DIAPH3: variants seen among roughly 807,000 people sequenced by gnomAD.
The protein encoded by DIAPH3 is diaphanous related formin 3.
In DIAPH3, 117 loss-of-function variants were observed where a neutral mutation model predicts 144.3. That is an observed-to-expected ratio of 0.81 (90% CI 0.70 to 0.95). The LOEUF is 0.95. Ranked by LOEUF, DIAPH3 falls within the 40% of genes least tolerant of loss-of-function variation. The pLI is 0.00. For missense variants in DIAPH3, 1,421 were observed against 1,412.7 expected (o/e 1.01, Z -0.09); for synonymous variants, 519 against 488.9 (o/e 1.06, Z -0.81).
chr13:59,879,556 TG>T (rs768809875), intron 20 of DIAPH3, 88 bp from the exon 21 acceptor site: 22 of 1,565,134 alleles, frequency 1.4e-5, no homozygotes, highest in Non-Finnish European at 1.9e-5. Flanking sequence ...GATGATTTAT[TG>T]GTATGACAGT....
intron 18 of DIAPH3, 90 bp downstream of exon 18, chr13:59,924,685 C>G: frequency 6.7e-7 from 1 of 1,499,146 alleles, no homozygotes; most frequent in Non-Finnish European, 9.0e-7. Flanking sequence ...ATGAAAATAG[C>G]AAATAATGAA....
intron 4 of DIAPH3, among the ~76,000 whole-genome samples, chr13:60,067,447 A>T (rs1187653482): frequency 6.6e-6 from 1 of 152,144 alleles, no homozygotes; most frequent in Non-Finnish European, 1.5e-5. Flanking sequence ...TCCAACCAAC[A>T]TCTATTAAAT....
At chr13:60,146,685 T>C (rs1951538389) in intron 1 of DIAPH3, among the ~76,000 whole-genome samples, 1 of 152,262 alleles carries the variant, frequency 6.6e-6, no homozygotes, top group South Asian at 2.1e-4. Flanking sequence ...TAACTGTCCT[T>C]GGAAATCCTC....
At chr13:59,976,989 T>G (rs2050712100) in intron 14 of DIAPH3, among the ~76,000 whole-genome samples, 1 of 151,854 alleles carries the variant, frequency 6.6e-6, no homozygotes, top group African/African-American at 2.4e-5. Flanking sequence ...AAACTATCAG[T>G]GACTTCATTA....
chr13:59,666,427 A>G lies in DIAPH3; in HGVS notation c.*157T>C. The G allele has an allele frequency of 1.1e-6, 1 of 871,912 alleles. No homozygotes were observed. Among genetic ancestry groups the G allele is most frequent in the Non-Finnish European group, 1.7e-6 (1 of 593,978 alleles). 54.0% of individuals were successfully genotyped at this position (871,912 alleles called of 1,614,324 possible). A position where few individuals can be genotyped will look rare whatever the true frequency, so the allele number is the denominator to read the frequency against. Reference sequence around the variant, plus strand: ...AACCAAAACCTCCAGTACATAGAAAAAGCATTGCAATCATATATTTAGCTT... The same window carrying G: ...AACCAAAACCTCCAGTACATAGAAAGAGCATTGCAATCATATATTTAGCTT... On this transcript the variant is annotated 3_prime_UTR_variant, in exon 28 of 28. Coordinates refer to ENST00000400324, the MANE Select transcript of DIAPH3 (RefSeq NM_001042517.2).
chr13:60,051,571 G>T (rs952449531), intron 4 of DIAPH3, among the ~76,000 whole-genome samples: 4 of 151,968 alleles, frequency 2.6e-5, no homozygotes, highest in African/African-American at 7.2e-5. Context: ...AGTAAGCTAA[G>T]ATCACACCAT....
At chr13:59,917,327 A>G (rs557194445) in intron 18 of DIAPH3, among the ~76,000 whole-genome samples, 1 of 152,310 alleles carries the variant, frequency 6.6e-6, no homozygotes, top group African/African-American at 2.4e-5. Context: ...TCCTGGAACC[A>G]ATCCCTCTGA....
intron 10 of DIAPH3, 43 bp from the exon 11 acceptor site, chr13:59,992,229 T>C (rs2051871470): frequency 6.7e-7 from 1 of 1,485,786 alleles, no homozygotes; most frequent in African/African-American, 1.4e-5. Context: ...ATTTTGTTTT[T>C]AATTATGCAA....
At chr13:60,023,944 C>T (rs2054209424) in intron 5 of DIAPH3, among the ~76,000 whole-genome samples, 1 of 149,976 alleles carries the variant, frequency 6.7e-6, no homozygotes, top group Non-Finnish European at 1.5e-5. Flanking sequence ...CAACCTCCGC[C>T]TCCCGGGTTC....
At chr13:60,051,380 G>A (rs2056337474) in intron 4 of DIAPH3, among the ~76,000 whole-genome samples, 1 of 152,166 alleles carries the variant, frequency 6.6e-6, no homozygotes, top group African/African-American at 2.4e-5. Flanking sequence ...AACACTTTGG[G>A]AGGCTAAGAC....
At chr13:59,992,788 C>T (rs2140832374) in intron 9 of DIAPH3, among the ~76,000 whole-genome samples, 1 of 144,520 alleles carries the variant, frequency 6.9e-6, no homozygotes, top group South Asian at 2.3e-4. Context: ...TTGAGGGTTA[C>T]TGAGGTGAAA....
At chr13:59,964,193 C>T (rs1255264354) in intron 17 of DIAPH3, among the ~76,000 whole-genome samples, 1 of 152,072 alleles carries the variant, frequency 6.6e-6, no homozygotes, top group Non-Finnish European at 1.5e-5. Flanking sequence ...CCACTAAGAA[C>T]TTACTACCAA....
intron 15 of DIAPH3, among the ~76,000 whole-genome samples, chr13:59,973,426 T>TAA (rs544600427): frequency 2.0e-5 from 3 of 146,974 alleles, no homozygotes; most frequent in African/African-American, 5.0e-5. Flanking sequence ...ATGGGAAAGA[T>TAA]AAAAAAAAAA....
intron 9 of DIAPH3, among the ~76,000 whole-genome samples, chr13:60,006,509 T>C (rs2052886278): frequency 6.6e-6 from 1 of 152,220 alleles, no homozygotes; most frequent in Non-Finnish European, 1.5e-5. Context: ...TTAGGGCTAC[T>C]CTTCATTAAT....
At chr13:59,966,158 G>A (rs2050038463) in intron 17 of DIAPH3, among the ~76,000 whole-genome samples, 1 of 152,120 alleles carries the variant, frequency 6.6e-6, no homozygotes, top group Admixed American at 6.6e-5. Flanking sequence ...AAGGATTAGA[G>A]AGGATTCCTA....
At chr13:60,131,221 G>T (rs1014573100) in intron 2 of DIAPH3, among the ~76,000 whole-genome samples, 3 of 151,852 alleles carry the variant, frequency 2.0e-5, no homozygotes, top group Non-Finnish European at 2.9e-5. Flanking sequence ...TTGAGCCCAG[G>T]AGTTTAAACC....
chr13:60,077,728 T>A (rs1022752925), intron 4 of DIAPH3, among the ~76,000 whole-genome samples: 8 of 152,118 alleles, frequency 5.3e-5, no homozygotes, highest in African/African-American at 1.2e-4. Flanking sequence ...TAGTTTTTGC[T>A]GCAGCAAGAT....
intron 27 of DIAPH3, among the ~76,000 whole-genome samples, chr13:59,716,313 A>T (rs369057828): frequency 6.6e-6 from 1 of 151,960 alleles, no homozygotes; most frequent in Non-Finnish European, 1.5e-5. Context: ...GTAGCTGGGA[A>T]TACAGGCGCC....
chr13:60,131,428 CCT>C (rs1346479641), intron 2 of DIAPH3, among the ~76,000 whole-genome samples: 6 of 136,378 alleles, frequency 4.4e-5, no homozygotes, highest in Admixed American at 7.4e-5. Flanking sequence ...AGAGCGAGAC[CCT>C]GTCTCAAAAA....
Sources: allele counts gnomAD v4.1 joint callset (sites outside exome capture counted in the v4.1 genomes callset), GRCh38; gene constraint gnomAD v4.1.1; transcripts MANE v1.5; gene names NCBI Gene and HGNC (gene_info 2026-07-23, HGNC 2026-07-21).